PITPNC1: variants seen among roughly 807,000 people sequenced by gnomAD.
PITPNC1 encodes the protein phosphatidylinositol transfer protein cytoplasmic 1.
Under a neutral mutation model 44.7 loss-of-function variants are expected in PITPNC1, and 18 were observed. That is an observed-to-expected ratio of 0.40 (90% CI 0.28 to 0.60). The LOEUF is 0.60. Ranked by LOEUF, PITPNC1 falls within the 20% of genes least tolerant of loss-of-function variation. The pLI is 0.39. For synonymous variants in PITPNC1, 141 were observed against 149.6 expected (o/e 0.94, Z 0.42); for missense variants, 290 against 418.4 (o/e 0.69, Z 2.68).
At chr17:67,628,078 C>G (rs112139825) in intron 5 of PITPNC1, among the ~76,000 whole-genome samples, 3,948 of 152,076 alleles carry the variant, frequency 0.026, 149 homozygotes, top group African/African-American at 0.078. Context: ...AGGCATGTGC[C>G]ACCACACCCG....
intron 2 of PITPNC1, 72 bp downstream of exon 2, chr17:67,533,022 A>G: frequency 8.2e-7 from 1 of 1,226,786 alleles, no homozygotes; most frequent in South Asian, 1.4e-5. Flanking sequence ...CAGTGGAGGC[A>G]GTGGGTGTCT....
chr17:67,393,989 G>A (rs116061696), intron 1 of PITPNC1, among the ~76,000 whole-genome samples: 1,560 of 151,864 alleles, frequency 0.01, 24 homozygotes, highest in African/African-American at 0.035. Flanking sequence ...ACAGGCACCC[G>A]CCACCACACC....
chr17:67,460,430 T>G (rs983781497), intron 1 of PITPNC1, among the ~76,000 whole-genome samples: 10 of 145,438 alleles, frequency 6.9e-5, no homozygotes, highest in Non-Finnish European at 1.4e-4. Context: ...AATTTTCTTG[T>G]TTTTTTTTTT....
At chr17:67,403,464 T>C (rs1234000873) in intron 1 of PITPNC1, among the ~76,000 whole-genome samples, 1 of 152,232 alleles carries the variant, frequency 6.6e-6, no homozygotes, top group Non-Finnish European at 1.5e-5. Flanking sequence ...ACTTTTTTAG[T>C]GTATAAACAT....
intron 1 of PITPNC1, among the ~76,000 whole-genome samples, chr17:67,494,215 T>TTCTTTCTTTCTTTCTTTC (rs1568012981): frequency 5.4e-5 from 8 of 148,876 alleles, no homozygotes; most frequent in African/African-American, 1.8e-4. Context: ...CTTTCTTTCT[T>TTCTTTCTTTCTTTCTTTC]TTTGAGACGT....
chr17:67,684,344 C>A (rs1054213024), intron 8 of PITPNC1, among the ~76,000 whole-genome samples: 2 of 151,972 alleles, frequency 1.3e-5, no homozygotes, highest in African/African-American at 4.8e-5. Context: ...AACTCCTGGC[C>A]TCAGGTGATC....
At chr17:67,493,915 A>G (rs2039895494) in intron 1 of PITPNC1, among the ~76,000 whole-genome samples, 1 of 152,230 alleles carries the variant, frequency 6.6e-6, no homozygotes, top group African/African-American at 2.4e-5. Flanking sequence ...GCATATATAC[A>G]TTTCATATAC....
intron 1 of PITPNC1, among the ~76,000 whole-genome samples, chr17:67,424,915 A>C (rs944633390): frequency 6.6e-6 from 1 of 151,992 alleles, no homozygotes. Flanking sequence ...AATAGCCTTA[A>C]CTGATGACAT....
At chr17:67,459,745 A>G (rs565409358) in intron 1 of PITPNC1, 103 of 152,174 alleles carry the variant, frequency 6.8e-4, no homozygotes, top group African/African-American at 2.4e-3. Context: ...AAGCCCATAA[A>G]CTTACCCGTT....
intron 1 of PITPNC1, among the ~76,000 whole-genome samples, chr17:67,450,133 G>T (rs1210754327): frequency 6.6e-6 from 1 of 152,142 alleles, no homozygotes; most frequent in Non-Finnish European, 1.5e-5. Flanking sequence ...CCACATTTCA[G>T]GTTTGCTCTT....
At chr17:67,567,517 T>G (rs2040691876) in intron 4 of PITPNC1, among the ~76,000 whole-genome samples, 1 of 149,126 alleles carries the variant, frequency 6.7e-6, no homozygotes, top group Non-Finnish European at 1.5e-5. Flanking sequence ...CGACGAGACG[T>G]GCTATCAAGG....
At chr17:67,584,927 C>T (rs1295919941) in intron 5 of PITPNC1, among the ~76,000 whole-genome samples, 6 of 151,880 alleles carry the variant, frequency 4.0e-5, no homozygotes, top group African/African-American at 1.5e-4. Context: ...TCAGCCTGAC[C>T]AACATAGAGA....
chr17:67,564,136 AAGAT>A (rs2040942708), intron 4 of PITPNC1, among the ~76,000 whole-genome samples: 1 of 149,574 alleles, frequency 6.7e-6, no homozygotes, highest in African/African-American at 2.5e-5. Flanking sequence ...ATTAGATAAA[AAGAT>A]AGATTAGATA....
intron 6 of PITPNC1, among the ~76,000 whole-genome samples, chr17:67,668,849 G>T (rs1015370528): frequency 1.3e-5 from 2 of 151,758 alleles, no homozygotes; most frequent in Admixed American, 6.6e-5. Context: ...GCGACAGAGC[G>T]AGACTCCATC....
chr17:67,401,689 C>G (rs1330984675), intron 1 of PITPNC1, among the ~76,000 whole-genome samples: 1 of 151,818 alleles, frequency 6.6e-6, no homozygotes, highest in Non-Finnish European at 1.5e-5. Context: ...ACTAAAAATA[C>G]AAAAATTAGC....
Position 67,692,879 on chromosome 17 carries a change from A to G in PITPNC1, c.990A>G (p.Lys330=). The change falls in exon 9 of 9, where the codon AAA becomes AAG. Residue 330 remains lysine (K), a synonymous_variant. Coordinates refer to ENST00000581322, the MANE Select transcript of PITPNC1 (RefSeq NM_012417.4). ...MHSSDKPCRP[K]SE ...CTTCAGATAAGCCATGTCGGCCCAA[A>G]TCTGAGTAACTTTATATAAATATCT... is the stretch of plus-strand genomic sequence containing the variant. 1 of 1,587,980 alleles carries G rather than the reference A, an allele frequency of 6.3e-7. No individual in the cohort carries two copies. The highest frequency in any genetic ancestry group is 8.6e-7 in the Non-Finnish European group (1 of 1,159,782).
chr17:67,416,428 C>G (rs1227773731), intron 1 of PITPNC1, among the ~76,000 whole-genome samples: 1 of 151,934 alleles, frequency 6.6e-6, no homozygotes, highest in Admixed American at 6.6e-5. Context: ...TTTGTCCAGG[C>G]TGGTCTCGAA....
chr17:67,630,611 A>G (rs2144329912), intron 5 of PITPNC1, among the ~76,000 whole-genome samples: 1 of 152,322 alleles, frequency 6.6e-6, no homozygotes, highest in Non-Finnish European at 1.5e-5. Context: ...CCGTCTCAAA[A>G]AAAGAAAGCT....
chr17:67,591,980 T>C (rs1410329787), intron 5 of PITPNC1, among the ~76,000 whole-genome samples: 2 of 151,926 alleles, frequency 1.3e-5, no homozygotes, highest in Non-Finnish European at 2.9e-5. Flanking sequence ...CCCAAAGTGC[T>C]GGCATTATAG....
Sources: gnomAD v4.1 joint callset for allele counts (sites outside exome capture counted in the v4.1 genomes callset) on GRCh38, gnomAD v4.1.1 for gene constraint, MANE v1.5 for transcripts, NCBI Gene and HGNC (gene_info 2026-07-23, HGNC 2026-07-21) for gene names.